Variants in ZNF717 observed in about 807,000 individuals in gnomAD.
ZNF717 encodes krueppel-like factor X17.
Under a neutral mutation model 13.8 loss-of-function variants are expected in ZNF717, and 9 were observed. That is an observed-to-expected ratio of 0.65 (90% CI 0.39 to 1.14). The LOEUF (loss-of-function observed/expected upper bound fraction) is 1.14. Among genes scored for constraint, ZNF717 ranks in the 50% most tolerant of loss-of-function variants. The pLI, the probability that ZNF717 is intolerant of heterozygous loss-of-function variation, is 0.01. For missense variants in ZNF717, 1,040 were observed against 1,080.7 expected, an observed-to-expected ratio of 0.96 and a Z score of 0.53; for synonymous variants, 327 against 364.1, an observed-to-expected ratio of 0.90 and a Z score of 1.16.
chr3:75,778,603 AG>A (rs1944530386), intron 2 of ZNF717, among the ~76,000 whole-genome samples: 2 of 149,870 alleles, frequency 1.3e-5, no homozygotes, highest in Admixed American at 1.3e-4. Context: ...TGCCAAAACC[AG>A]AAACCAAAAA....
intron 2 of ZNF717, among the ~76,000 whole-genome samples, chr3:75,779,226 C>T (rs1359943925): frequency 2.0e-5 from 3 of 149,410 alleles, no homozygotes; most frequent in African/African-American, 4.9e-5. Flanking sequence ...GAGTGATCTG[C>T]TAAAACCAGA....
intron 2 of ZNF717, among the ~76,000 whole-genome samples, chr3:75,776,556 A>G (rs938803007): frequency 2.6e-5 from 4 of 152,262 alleles, no homozygotes; most frequent in African/African-American, 9.6e-5. Context: ...ACAATCTAGA[A>G]TCTGATGACT....
At chr3:75,699,233 G>T (rs1336957519) in intron 6 of ZNF717, among the ~76,000 whole-genome samples, 11 of 152,378 alleles carry the variant, frequency 7.2e-5, no homozygotes, top group Admixed American at 7.2e-4. Flanking sequence ...TGTCTTAGAT[G>T]AGACTTTTGA....
At chr3:75,742,312 C>A (rs1257646719) in intron 2 of ZNF717, among the ~76,000 whole-genome samples, 1 of 142,438 alleles carries the variant, frequency 7.0e-6, no homozygotes, top group Non-Finnish European at 1.5e-5. Context: ...CAACAGAGAG[C>A]CTACCTCTCA....
intron 2 of ZNF717, among the ~76,000 whole-genome samples, chr3:75,776,981 C>A (rs796296999): frequency 1.3e-5 from 2 of 148,572 alleles, no homozygotes; most frequent in Admixed American, 1.4e-4. Flanking sequence ...GTTTGATTTA[C>A]AGGGACCCTG....
intron 2 of ZNF717, among the ~76,000 whole-genome samples, chr3:75,779,445 C>T (rs1179062190): frequency 3.7e-4 from 51 of 138,976 alleles, no homozygotes; most frequent in African/African-American, 1.2e-3. Flanking sequence ...GTGCTAAAAC[C>T]GGAACCCAAA....
At chr3:75,707,727 C>T (rs200103391), downstream of ZNF717, among the ~76,000 whole-genome samples, 104 of 147,514 alleles carry the variant, frequency 7.1e-4, no homozygotes, top group South Asian at 0.01. Context: ...AGATGGCACC[C>T]GGAAAATCGG....
chr3:75,753,296 G>A (rs966523060), intron 2 of ZNF717, among the ~76,000 whole-genome samples: 1 of 148,506 alleles, frequency 6.7e-6, no homozygotes, highest in African/African-American at 2.5e-5. Flanking sequence ...CTGCTATGAG[G>A]TTCTGAATGT....
rs1937626022 is a variant in ZNF717 at position 75,698,179 on chromosome 3, C to G, written n.1085+13008G>C. Reference sequence around the variant, plus strand: ...AAAAAAAAAAAGGTTGTAACTTAAGCTTACAAGGGAAGCATAGTGTAAAAG... The same window carrying G: ...AAAAAAAAAAAGGTTGTAACTTAAGGTTACAAGGGAAGCATAGTGTAAAAG... On this transcript the variant is annotated intron_variant and non_coding_transcript_variant, in intron 6 of 6. Transcript: ENST00000648506. Among the ~76,000 whole-genome samples, 3 of 152,384 alleles carry G rather than the reference C, an allele frequency of 2.0e-5. No individual in the cohort carries two copies. In the South Asian group the frequency reaches 6.2e-4, roughly 32 times the overall value.
chr3:75,717,265 A>G (rs1384755344), intron 4 of ZNF717, among the ~76,000 whole-genome samples: 6 of 152,270 alleles, frequency 3.9e-5, no homozygotes, highest in Non-Finnish European at 8.8e-5. Context: ...ATGTCAACAA[A>G]TGATAGGTAT....
At chr3:75,759,484 C>T (rs937618958) in intron 2 of ZNF717, among the ~76,000 whole-genome samples, 3 of 152,160 alleles carry the variant, frequency 2.0e-5, no homozygotes, top group Non-Finnish European at 4.4e-5. Flanking sequence ...ACTGTGTTAG[C>T]CCGGATGGTC....
intron 2 of ZNF717, among the ~76,000 whole-genome samples, chr3:75,769,908 C>T (rs1320009385): frequency 6.6e-6 from 1 of 152,172 alleles, no homozygotes; most frequent in Non-Finnish European, 1.5e-5. Context: ...TATATGTTAG[C>T]ATATTGTATA....
chr3:75,701,420 C>G (rs1250327341), intron 6 of ZNF717, among the ~76,000 whole-genome samples: 267 of 146,306 alleles, frequency 1.8e-3, no homozygotes, highest in African/African-American at 7.2e-3. Flanking sequence ...CCTGTAATCT[C>G]ACCATTTTGG....
At position 75,737,572 on chromosome 3, in the gene ZNF717, A is replaced by G; in HGVS notation, c.2051T>C (p.Phe684Ser). The change falls in exon 5 of 5, where the codon TTT becomes TCT. Residue 684 changes from phenylalanine to serine, a missense_variant. By Grantham distance (155) the Phe-to-Ser change is radical. Transcript: ENST00000652011. ...GTATAATAAGGTATGATTTCTGACA[A>G]AAAGTTTTTCCACATTCATTACATC... ...RMDVMNVEKL[F>S]VRNHTLLYIR... is the part of the protein sequence containing the mutation. 1.9e-6 allele frequency: 3 copies of G among 1,545,220 alleles called. No individual in the cohort carries two copies. The South Asian group carries it at 3.6e-5, about 18-fold the overall frequency.
chr3:75,758,446 T>G (rs1942687185), intron 2 of ZNF717, among the ~76,000 whole-genome samples: 1 of 152,104 alleles, frequency 6.6e-6, no homozygotes, highest in Non-Finnish European at 1.5e-5. Flanking sequence ...GAAGGAGGGC[T>G]TGACAGGATT....
At chr3:75,703,672 T>A (rs1327663359) in intron 6 of ZNF717, among the ~76,000 whole-genome samples, 1 of 152,296 alleles carries the variant, frequency 6.6e-6, no homozygotes, top group Non-Finnish European at 1.5e-5. Context: ...CTTTGAGGAC[T>A]AATTTTACTG....
At chr3:75,710,116 G>C (rs1937900037) in exon 6 of ZNF717, 1 of 150,084 alleles carries the variant, frequency 6.7e-6, no homozygotes, top group Non-Finnish European at 1.5e-5. Flanking sequence ...GTATTATTCT[G>C]TTAGGAGTTG....
At chr3:75,733,798 A>AAAG (rs1466437540), downstream of ZNF717, among the ~76,000 whole-genome samples, 8 of 118,778 alleles carry the variant, frequency 6.7e-5, no homozygotes, top group African/African-American at 2.1e-4. Flanking sequence ...AAAAAAAAAA[A>AAAG]AATTACATTC....
chr3:75,714,752 GTTTA>G (rs1938012910), intron 5 of ZNF717, among the ~76,000 whole-genome samples: 1 of 152,046 alleles, frequency 6.6e-6, no homozygotes, highest in Non-Finnish European at 1.5e-5. Context: ...TTTTAGAACA[GTTTA>G]TTTATCACAG....
Sources: gnomAD v4.1 joint callset for allele counts (sites outside exome capture counted in the v4.1 genomes callset) on GRCh38, gnomAD v4.1.1 for gene constraint, MANE v1.5 for transcripts, NCBI Gene and HGNC (gene_info 2026-07-23, HGNC 2026-07-21) for gene names.